The following CACNA1A variants were observed in gnomAD, a reference collection of about 807,000 sequenced individuals.
CACNA1A encodes calcium voltage-gated channel subunit alpha1 A.
Under a neutral mutation model 262.4 loss-of-function variants are expected in CACNA1A, and 57 were observed. The observed-to-expected ratio is 0.22, with a 90% CI of 0.18 to 0.27. The LOEUF (loss-of-function observed/expected upper bound fraction) is 0.27. CACNA1A is among the 10% of genes least tolerant of loss of function. CACNA1A has a pLI of 1.00. For missense variants in CACNA1A, 2,526 were observed against 3,562.8 expected, an observed-to-expected ratio of 0.71 and a Z score of 7.41; for synonymous variants, 1,431 against 1,419.3, an observed-to-expected ratio of 1.01 and a Z score of -0.18.
Position 13,406,176 on chromosome 19 carries a change from C to T in CACNA1A, c.540-34397G>A, listed in dbSNP as rs530607849. 6.6e-5 allele frequency among the ~76,000 whole-genome samples: 10 copies of T among 151,670 alleles called. No individual in the cohort carries two copies. The South Asian group carries it at 1.9e-3, about 29-fold the overall frequency. ...ATAAAAAAAGGTAATATAAAAAGGACGGGCATGGTGGCTCATGCCTGTAAT... is the reference window on the plus strand; with the variant it reads ...ATAAAAAAAGGTAATATAAAAAGGATGGGCATGGTGGCTCATGCCTGTAAT... On this transcript the variant is annotated intron_variant, in intron 3 of 46. Coordinates refer to ENST00000360228, the MANE Select transcript of CACNA1A (RefSeq NM_001127222.2).
At chr19:13,497,560 AT>A (rs1568709961) in intron 1 of CACNA1A, among the ~76,000 whole-genome samples, 761 of 46,916 alleles carry the variant, frequency 0.016, 196 homozygotes, top group East Asian at 0.025. Context: ...ATATATATAT[AT>A]ATATATATAT....
intron 19 of CACNA1A, among the ~76,000 whole-genome samples, chr19:13,290,771 T>C (rs2057518174): frequency 6.6e-6 from 1 of 151,026 alleles, no homozygotes; most frequent in South Asian, 2.1e-4. Context: ...ATATACACAT[T>C]TCAGAGAGTG....
At chr19:13,305,151 C>G (rs1430672908) in intron 15 of CACNA1A, among the ~76,000 whole-genome samples, 1 of 152,156 alleles carries the variant, frequency 6.6e-6, no homozygotes, top group Non-Finnish European at 1.5e-5. Context: ...TGTGATCAAG[C>G]GAGTTTCCAC....
In CACNA1A at chr19:13,337,327, C is replaced by T. The variant is rs374269406; in HGVS notation, c.979-1418G>A. On this transcript the variant is annotated intron_variant, in intron 6 of 46. Coordinates refer to ENST00000360228, the MANE Select transcript of CACNA1A (RefSeq NM_001127222.2). ...TTTATGCCTCTCTCCTAGCTTCTGG[C>T]GGTTTGCTGGCAATCTTTGCTGATT... Among the ~76,000 whole-genome samples the T allele has an allele frequency of 9.7e-4, 148 of 152,288 alleles. 1 individual carries two copies. Among genetic ancestry groups the T allele is most frequent in the Non-Finnish European group, 1.9e-3 (127 of 68,024 alleles).
intron 3 of CACNA1A, among the ~76,000 whole-genome samples, chr19:13,381,392 C>T (rs1365565208): frequency 6.6e-6 from 1 of 152,010 alleles, no homozygotes; most frequent in Non-Finnish European, 1.5e-5. Flanking sequence ...GAGCGAGACC[C>T]TGTATCTTAA....
intron 1 of CACNA1A, among the ~76,000 whole-genome samples, chr19:13,502,064 T>C (rs991928430): frequency 6.6e-6 from 1 of 151,578 alleles, no homozygotes; most frequent in African/African-American, 2.4e-5. Flanking sequence ...TCTAGAACAT[T>C]CTATCTCTCA....
intron 10 of CACNA1A, among the ~76,000 whole-genome samples, chr19:13,328,042 G>A (rs779073867): frequency 1.3e-5 from 2 of 151,976 alleles, no homozygotes; most frequent in Non-Finnish European, 2.9e-5. Flanking sequence ...GGGACTATAG[G>A]TGTGTGCCAT....
chr19:13,401,133 C>G (rs777257956), intron 3 of CACNA1A, among the ~76,000 whole-genome samples: 3 of 152,140 alleles, frequency 2.0e-5, no homozygotes, highest in African/African-American at 7.2e-5. Context: ...CCAGGACTCA[C>G]TTTTACAAGT....
At chr19:13,358,152 C>T (rs923789463) in intron 6 of CACNA1A, among the ~76,000 whole-genome samples, 1 of 152,246 alleles carries the variant, frequency 6.6e-6, no homozygotes, top group African/African-American at 2.4e-5. Flanking sequence ...GCAACATGCT[C>T]CTGGCAGAGC....
chr19:13,417,316 C>T (rs1477975958), intron 3 of CACNA1A, among the ~76,000 whole-genome samples: 1 of 152,170 alleles, frequency 6.6e-6, no homozygotes, highest in Non-Finnish European at 1.5e-5. Context: ...GTTTCCACTC[C>T]ACTGGGCAGG....
intron 6 of CACNA1A, among the ~76,000 whole-genome samples, chr19:13,337,975 T>A (rs1228599227): frequency 6.6e-6 from 1 of 152,168 alleles, no homozygotes; most frequent in Non-Finnish European, 1.5e-5. Flanking sequence ...ATCCCAGCAC[T>A]TTGGGAGGCC....
chr19:13,290,521 G>A (rs2057508740), intron 19 of CACNA1A, among the ~76,000 whole-genome samples: 2 of 152,000 alleles, frequency 1.3e-5, no homozygotes, highest in Non-Finnish European at 2.9e-5. Context: ...CTGGGCTCAA[G>A]CGATCTTCCC....
intron 3 of CACNA1A, among the ~76,000 whole-genome samples, chr19:13,440,651 A>T (rs562236937): frequency 2.6e-5 from 4 of 152,186 alleles, no homozygotes; most frequent in Non-Finnish European, 5.9e-5. Context: ...TTCCCATTCC[A>T]CAGATGAGGA....
At chr19:13,300,009 T>C (rs2057755323) in intron 18 of CACNA1A, among the ~76,000 whole-genome samples, 1 of 152,212 alleles carries the variant, frequency 6.6e-6, no homozygotes, top group African/African-American at 2.4e-5. Context: ...TGCCTGCTGA[T>C]CTGACGGCAG....
chr19:13,330,409 C>CCATATGGT, intron 9 of CACNA1A, 76 bp from the exon 10 acceptor site: 1 of 1,055,804 alleles, frequency 9.5e-7, no homozygotes, highest in Non-Finnish European at 1.4e-6. Context: ...CACAGTGTGT[C>CCATATGGT]CTTGGATTTA....
intron 6 of CACNA1A, among the ~76,000 whole-genome samples, chr19:13,359,358 C>T (rs533646002): frequency 6.6e-6 from 1 of 152,290 alleles, no homozygotes; most frequent in African/African-American, 2.4e-5. Context: ...AACACTTGCA[C>T]AATGAAAAAT....
intron 3 of CACNA1A, among the ~76,000 whole-genome samples, chr19:13,400,982 A>T (rs1296497432): frequency 6.6e-6 from 1 of 152,014 alleles, no homozygotes; most frequent in African/African-American, 2.4e-5. Flanking sequence ...CCACCGCCAC[A>T]CCCAGCTAAT....
At chr19:13,253,316 CTTTTT>C (rs34069029) in intron 29 of CACNA1A, among the ~76,000 whole-genome samples, 2 of 134,826 alleles carry the variant, frequency 1.5e-5, no homozygotes, top group Non-Finnish European at 3.2e-5. Flanking sequence ...CTCCCCCAAC[CTTTTT>C]TTTTTTTTTT....
intron 4 of CACNA1A, among the ~76,000 whole-genome samples, chr19:13,368,198 C>T (rs1478586119): frequency 1.3e-5 from 2 of 152,022 alleles, no homozygotes; most frequent in Non-Finnish European, 2.9e-5. Flanking sequence ...GCCTGGAGTC[C>T]CAGCTATTTG....
Sources: allele counts gnomAD v4.1 joint callset (sites outside exome capture counted in the v4.1 genomes callset), GRCh38; gene constraint gnomAD v4.1.1; transcripts MANE v1.5; gene names NCBI Gene and HGNC (gene_info 2026-07-23, HGNC 2026-07-21).